Variants in SPIN1 observed in about 807,000 individuals in gnomAD.
SPIN1 encodes the protein spindlin 1, also known as spindlin-1.
SPIN1 carries 3 observed loss-of-function variants against 26.0 expected under a neutral mutation model. The ratio of observed to expected loss-of-function variants is 0.12; its 90% CI spans 0.05 to 0.30. The LOEUF is 0.30. Ranked by LOEUF, SPIN1 falls within the 10% of genes least tolerant of loss-of-function variation. The probability of loss-of-function intolerance (pLI) is 1.00; values close to 1 mark genes in which losing one functional copy is unlikely to be tolerated. For synonymous variants in SPIN1, 101 were observed against 116.5 expected, an observed-to-expected ratio of 0.87 and a Z score of 0.86; for missense variants, 126 against 333.4, an observed-to-expected ratio of 0.38 and a Z score of 4.84.
At position 88,475,397 on chromosome 9, in the gene SPIN1, T is replaced by G; in HGVS notation, c.*120T>G. 3 of 1,017,112 alleles carry G rather than the reference T, an allele frequency of 2.9e-6. No individual in the cohort carries two copies. The highest frequency in any genetic ancestry group is 1.6e-5 in the South Asian group (1 of 61,378). The allele number at this position is 1,017,112 out of a possible 1,614,324, so 63.0% of individuals were successfully genotyped here. On this transcript the variant is annotated 3_prime_UTR_variant, in exon 6 of 6. Transcript: ENST00000375859. ...AATGTCCCTGCGAACCCACAATCTC[T>G]GCCAGCAGAACTGGTTTTGTTCTGA... is the stretch of plus-strand genomic sequence containing the variant.
chr9:88,398,574 A>T (rs972707247), intron 1 of SPIN1, among the ~76,000 whole-genome samples: 3 of 151,854 alleles, frequency 2.0e-5, no homozygotes, highest in African/African-American at 7.3e-5. Flanking sequence ...CAATTTGTTG[A>T]CTTTTATTTA....
chr9:88,430,441 A>G (rs957745492), intron 2 of SPIN1, among the ~76,000 whole-genome samples: 3 of 152,210 alleles, frequency 2.0e-5, no homozygotes, highest in East Asian at 3.9e-4. Flanking sequence ...AGGCAGTCAC[A>G]GAGGCTCACC....
At position 88,476,710 on chromosome 9, in the gene SPIN1, T is replaced by G. The variant is rs1234573055; in HGVS notation, c.*1433T>G. On this transcript the variant is annotated 3_prime_UTR_variant, in exon 6 of 6. Coordinates refer to ENST00000375859, the MANE Select transcript of SPIN1 (RefSeq NM_006717.3). ...AAATAGAACTGCTAGTGTGATTGGT[T>G]GATCAGCAAAACAGCTGCTCTCATT... The G allele has an allele frequency of 6.6e-6, 1 of 152,228 alleles. No individual in the cohort carries two copies. The highest frequency in any genetic ancestry group is 1.5e-5 in the Non-Finnish European group (1 of 68,042). The allele number at this position is 152,228 out of a possible 1,614,324, so 9.4% of individuals were successfully genotyped here. A position where few individuals can be genotyped will look rare whatever the true frequency, so the allele number is the denominator to read the frequency against.
chr9:88,391,870 C>G (rs899702366), intron 1 of SPIN1: 3 of 152,216 alleles, frequency 2.0e-5, no homozygotes, highest in African/African-American at 7.2e-5. Context: ...CTTCCTGCAT[C>G]TTTGGGACCC....
chr9:88,412,188 CAA>C (rs966639705), intron 1 of SPIN1, among the ~76,000 whole-genome samples: 3 of 151,722 alleles, frequency 2.0e-5, no homozygotes, highest in African/African-American at 7.3e-5. Context: ...CAAAAAAAAA[CAA>C]AAACCTTTTG....
intron 2 of SPIN1, among the ~76,000 whole-genome samples, chr9:88,434,378 T>C (rs1028019759): frequency 2.7e-5 from 4 of 148,568 alleles, no homozygotes; most frequent in Non-Finnish European, 5.9e-5. Context: ...GTTTATTTTA[T>C]AAATTATAAA....
chr9:88,443,440 T>C (rs1434377745), intron 2 of SPIN1, among the ~76,000 whole-genome samples: 1 of 152,224 alleles, frequency 6.6e-6, no homozygotes, highest in Non-Finnish European at 1.5e-5. Flanking sequence ...GTATATATTG[T>C]CCATCTATTC....
At chr9:88,410,566 C>T in intron 1 of SPIN1, 1 of 833,156 alleles carries the variant, frequency 1.2e-6, no homozygotes, top group Non-Finnish European at 2.1e-6. Flanking sequence ...ACTGCTGCTA[C>T]TGGAACCACC....
At chr9:88,409,747 A>G (rs1218192351) in intron 1 of SPIN1, among the ~76,000 whole-genome samples, 1 of 151,792 alleles carries the variant, frequency 6.6e-6, no homozygotes, top group African/African-American at 2.4e-5. Context: ...CTGAGGCAGG[A>G]GAATGGTGTG....
chr9:88,419,573 ATACTT>A (rs1564027673), intron 1 of SPIN1, among the ~76,000 whole-genome samples: 1 of 152,236 alleles, frequency 6.6e-6, no homozygotes. Context: ...CTTTATAACA[ATACTT>A]AACTATATTT....
chr9:88,450,044 A>G (rs994286234), intron 3 of SPIN1, among the ~76,000 whole-genome samples: 1 of 152,202 alleles, frequency 6.6e-6, no homozygotes, highest in Non-Finnish European at 1.5e-5. Flanking sequence ...TTAAGAAACT[A>G]CCTGGAAAGT....
chr9:88,450,113 A>C (rs1018035816), intron 3 of SPIN1, among the ~76,000 whole-genome samples: 3 of 152,190 alleles, frequency 2.0e-5, no homozygotes, highest in Non-Finnish European at 2.9e-5. Flanking sequence ...TAGTTTCTCA[A>C]ATTTTATCCA....
intron 2 of SPIN1, among the ~76,000 whole-genome samples, chr9:88,446,918 TCTTA>T (rs1296371451): frequency 3.9e-5 from 6 of 152,246 alleles, no homozygotes; most frequent in Non-Finnish European, 7.3e-5. Flanking sequence ...TTGTTTTTGA[TCTTA>T]CTTTGGCTTT....
At chr9:88,410,970 G>T in intron 1 of SPIN1, 1 of 1,335,094 alleles carries the variant, frequency 7.5e-7, no homozygotes, top group Non-Finnish European at 1.1e-6. Flanking sequence ...TGATATTTCT[G>T]AATGACAGTC....
At chr9:88,465,069 A>G (rs1348450593) in intron 4 of SPIN1, among the ~76,000 whole-genome samples, 1 of 152,198 alleles carries the variant, frequency 6.6e-6, no homozygotes, top group African/African-American at 2.4e-5. Context: ...TTCATGTTGT[A>G]ACGTGTGACA....
At chr9:88,393,446 T>G (rs1032990776) in intron 1 of SPIN1, among the ~76,000 whole-genome samples, 1 of 63,772 alleles carries the variant, frequency 1.6e-5, no homozygotes, top group Non-Finnish European at 2.7e-5. Flanking sequence ...TGCTTTTGGG[T>G]TTTTTTTTTT....
At chr9:88,410,629 T>C (rs1827423324) in intron 1 of SPIN1, 2 of 1,062,920 alleles carry the variant, frequency 1.9e-6, no homozygotes, top group Admixed American at 1.7e-5. Flanking sequence ...TCCACCACCA[T>C]AGGGGCCAGA....
chr9:88,400,968 G>A (rs1000084295), intron 1 of SPIN1, among the ~76,000 whole-genome samples: 3 of 152,128 alleles, frequency 2.0e-5, no homozygotes, highest in African/African-American at 4.8e-5. Flanking sequence ...AGCCATGATC[G>A]TGCAACTGCG....
chr9:88,456,872 A>G (rs1176635609), intron 3 of SPIN1, among the ~76,000 whole-genome samples: 1 of 152,236 alleles, frequency 6.6e-6, no homozygotes, highest in Non-Finnish European at 1.5e-5. Context: ...AAGAATCAGG[A>G]AAAAATGAAA....
Sources: allele counts gnomAD v4.1 joint callset (sites outside exome capture counted in the v4.1 genomes callset), GRCh38; gene constraint gnomAD v4.1.1; transcripts MANE v1.5; gene names NCBI Gene and HGNC (gene_info 2026-07-23, HGNC 2026-07-21).